The following NCKAP5L variants were observed in gnomAD, a reference collection of about 807,000 sequenced individuals.
NCKAP5L encodes nck-associated protein 5-like.
NCKAP5L carries 54 observed loss-of-function variants against 103.2 expected under a neutral mutation model. That is an observed-to-expected ratio of 0.52 (90% confidence interval 0.42 to 0.66). NCKAP5L has a LOEUF of 0.66. Ranked by LOEUF, NCKAP5L falls within the 30% of genes least tolerant of loss-of-function variation. NCKAP5L has a pLI of 0.00. For missense variants in NCKAP5L, 1,733 were observed against 1,750.6 expected, an observed-to-expected ratio of 0.99 and a Z score of 0.18; for synonymous variants, 762 against 748.6, an observed-to-expected ratio of 1.02 and a Z score of -0.29.
intron 1 of NCKAP5L, among the ~76,000 whole-genome samples, chr12:49,821,255 C>T (rs1291126258): frequency 6.6e-6 from 1 of 152,104 alleles, no homozygotes; most frequent in Admixed American, 6.5e-5. Context: ...AAACCCCCAT[C>T]CCCACCCCCC....
At chr12:49,815,331 GT>G (rs1396279259) in intron 1 of NCKAP5L, among the ~76,000 whole-genome samples, 1 of 152,050 alleles carries the variant, frequency 6.6e-6, no homozygotes, top group African/African-American at 2.4e-5. Flanking sequence ...TTAATTGCAA[GT>G]TTTCTATAAG....
At chr12:49,818,482 T>G (rs1243910923) in intron 1 of NCKAP5L, among the ~76,000 whole-genome samples, 1 of 152,096 alleles carries the variant, frequency 6.6e-6, no homozygotes, top group Admixed American at 6.6e-5. Flanking sequence ...CTCAGCCTCC[T>G]GAGTAGCTGG....
chr12:49,805,155 C>T (rs1565591791), intron 2 of NCKAP5L: 2 of 152,408 alleles, frequency 1.3e-5, no homozygotes, highest in African/African-American at 4.8e-5. Context: ...TCAGGGCTCC[C>T]AGGCGATGCT....
At position 49,827,928 on chromosome 12, in the gene NCKAP5L, G is replaced by A. The variant is rs181016201; in HGVS notation, c.-99+394C>T. Among the ~76,000 whole-genome samples the A allele has an allele frequency of 1.0e-3, 158 of 152,328 alleles. 4 individuals carry two copies. The East Asian group carries it at 0.025, about 24-fold the overall frequency. On this transcript the variant is annotated intron_variant, in intron 1 of 12. Transcript: ENST00000335999. ...CCGCAATAACCCGGCACCGCTAAGC[G>A]GCACCCGGACGGTGGGATGCGGGTT...
Position 49,795,480 on chromosome 12 carries a change from G to C in NCKAP5L, c.2380C>G (p.Pro794Ala), listed in dbSNP as rs751265996. 5 of 1,539,266 alleles carry C rather than the reference G, an allele frequency of 3.2e-6. No homozygotes were observed. In the Admixed American group the frequency reaches 1.1e-4, roughly 33 times the overall value. ...GALCPQVPRT[P>A]AKVPTSAPSL... ...GGGGCTGAGGTTGGCACTTTGGCAGGGGTACGGGGTACCTGGGGGCACAGG... is the reference window on the plus strand; with the variant it reads ...GGGGCTGAGGTTGGCACTTTGGCAGCGGTACGGGGTACCTGGGGGCACAGG... Residue 794 changes from proline to alanine, a missense_variant, in exon 8 of 13, where the codon CCT (proline) becomes GCT (alanine). By Grantham distance (27) the Pro-to-Ala change is conservative (BLOSUM62 -1). Coordinates refer to ENST00000335999, the MANE Select transcript of NCKAP5L (RefSeq NM_001037806.4).
At chr12:49,802,906 G>T in intron 5 of NCKAP5L, 52 bp downstream of exon 5, 1 of 1,568,574 alleles carries the variant, frequency 6.4e-7, no homozygotes. Flanking sequence ...CTCCAGGAAG[G>T]GTCTCATCTG....
intron 1 of NCKAP5L, among the ~76,000 whole-genome samples, chr12:49,822,307 A>G (rs140997398): frequency 8.5e-5 from 13 of 152,286 alleles, no homozygotes; most frequent in African/African-American, 3.1e-4. Context: ...AGCAGTTCAA[A>G]CAGACTAAGA....
intron 1 of NCKAP5L, among the ~76,000 whole-genome samples, chr12:49,823,357 C>T (rs1243506025): frequency 1.3e-5 from 2 of 152,040 alleles, no homozygotes; most frequent in East Asian, 3.8e-4. Context: ...TTACAGCTCC[C>T]CCATCAAGCC....
At chr12:49,794,685 G>A in intron 8 of NCKAP5L, 80 bp downstream of exon 8, 2 of 1,151,946 alleles carry the variant, frequency 1.7e-6, no homozygotes, top group Non-Finnish European at 2.3e-6. Context: ...AGCAGGCCTA[G>A]CTCCAGACGC....
chr12:49,803,170 A>G lies in NCKAP5L; in HGVS notation c.124-5T>C. The G allele has an allele frequency of 6.2e-7, 1 of 1,613,652 alleles. No individual in the cohort carries two copies. The highest frequency in any genetic ancestry group is 1.1e-5 in the South Asian group (1 of 91,080). ...GGCAAGTGCCGAGTTCTCTGCCTGC[A>G]GGAGTGAGGGAGGAAGAGGGCAAAA... On this transcript the variant is annotated splice_region_variant and splice_polypyrimidine_tract_variant and intron_variant, in intron 3 of 12. Transcript: ENST00000335999.
chr12:49,796,961 G>C lies in NCKAP5L; in HGVS notation c.899C>G (p.Ser300Cys). 1 of 1,603,550 alleles carries C rather than the reference G, an allele frequency of 6.2e-7. No homozygotes were observed. The highest frequency in any genetic ancestry group is 8.5e-7 in the Non-Finnish European group (1 of 1,175,726). ...PNCAPGSSSS[S>C]SSDEAGDPNE... ...GGGGTCACCTGCCTCATCAGAAGAG[G>C]AGGAGGAGCTGCTGCCTGGGGCACA... Residue 300 changes from serine to cysteine, a missense_variant, in exon 8 of 13, where the codon TCC becomes TGC. Coordinates refer to ENST00000335999, the MANE Select transcript of NCKAP5L (RefSeq NM_001037806.4).
intron 6 of NCKAP5L, among the ~76,000 whole-genome samples, chr12:49,801,447 G>A (rs575924273): frequency 3.4e-4 from 52 of 152,240 alleles, no homozygotes; most frequent in African/African-American, 9.6e-4. Flanking sequence ...TATCAGAACC[G>A]AAATGTCTTT....
In NCKAP5L at chr12:49,795,178, G is replaced by A. The variant is rs749914594; in HGVS notation, c.2682C>T (p.Asn894=). The A allele has an allele frequency of 1.9e-5, 30 of 1,603,020 alleles. No individual in the cohort carries two copies. Among genetic ancestry groups the A allele is most frequent in the African/African-American group, 2.7e-5 (2 of 74,250 alleles). ...GCTCCTGGCCCTGGAGCCGCAGCACGTTCTCCTCAATGCCCTTCATCACCT... is the reference window on the plus strand; with the variant it reads ...GCTCCTGGCCCTGGAGCCGCAGCACATTCTCCTCAATGCCCTTCATCACCT... ...EEKVMKGIEE[N]VLRLQGQERA... The change falls in exon 8 of 13, where the codon AAC becomes AAT. Residue 894 remains asparagine, a synonymous_variant. Coordinates refer to ENST00000335999, the MANE Select transcript of NCKAP5L (RefSeq NM_001037806.4).
chr12:49,817,804 C>A (rs1946315089), intron 1 of NCKAP5L, among the ~76,000 whole-genome samples: 1 of 152,154 alleles, frequency 6.6e-6, no homozygotes, highest in African/African-American at 2.4e-5. Flanking sequence ...TCATCTCACA[C>A]CATATATAAA....
chr12:49,807,145 C>G (rs1044995324), intron 1 of NCKAP5L, among the ~76,000 whole-genome samples: 1 of 152,218 alleles, frequency 6.6e-6, no homozygotes, highest in Admixed American at 6.5e-5. Context: ...CCTCCAGCCC[C>G]AGGGCCAGCC....
Position 49,792,575 on chromosome 12 carries a change from G to A in NCKAP5L, c.3663C>T (p.Asp1221=), listed in dbSNP as rs898628014. The A allele has an allele frequency of 2.5e-6, 4 of 1,613,732 alleles. No homozygotes were observed. Among genetic ancestry groups the A allele is most frequent in the Non-Finnish European group, 3.4e-6 (4 of 1,179,852 alleles). The change falls in exon 12 of 13, where the codon GAC becomes GAT. Residue 1221 remains aspartate (D), a synonymous_variant. Transcript: ENST00000335999. The surrounding 1 kb of genome is among the most constrained non-coding windows in gnomAD (Gnocchi z 4.5). ...HETCPDDPCE[D]PGPTPPVQLA... is the part of the protein sequence containing the mutation. Reference sequence around the variant, plus strand: ...GCTGGACAGGAGGGGTGGGGCCTGGGTCTTCACAGGGATCTGTCCAGGAAC... The same window carrying A: ...GCTGGACAGGAGGGGTGGGGCCTGGATCTTCACAGGGATCTGTCCAGGAAC...
Position 49,804,035 on chromosome 12 carries a change from C to T in NCKAP5L, c.10G>A (p.Ala4Thr). 6.2e-7 allele frequency: 1 copy of T among 1,610,636 alleles called. No homozygotes were observed. ...GGACCCCCAGCTGGCTGGTCCATGG[C>T]CTCTGACATCTGGCCCTGGGAACAA... is the stretch of plus-strand genomic sequence containing the variant. MSE[A>T]MDQPAGGPGN... Residue 4 changes from alanine (A) to threonine (T), a missense_variant, in exon 3 of 13, where the codon GCC becomes ACC. By Grantham distance (58) the Ala-to-Thr change is moderately conservative. Coordinates refer to ENST00000335999, the MANE Select transcript of NCKAP5L (RefSeq NM_001037806.4).
intron 3 of NCKAP5L, among the ~76,000 whole-genome samples, chr12:49,803,613 C>A (rs1156484515): frequency 6.6e-6 from 1 of 152,058 alleles, no homozygotes; most frequent in Non-Finnish European, 1.5e-5. Flanking sequence ...TGGCCTCTGA[C>A]CACCCCCTTT....
intron 2 of NCKAP5L, chr12:49,804,675 C>A (rs140693219): frequency 6.6e-6 from 1 of 152,170 alleles, no homozygotes; most frequent in Non-Finnish European, 1.5e-5. Flanking sequence ...ACTGGGTGAA[C>A]ATATGAAAAC....
Sources: allele counts gnomAD v4.1 joint callset (sites outside exome capture counted in the v4.1 genomes callset), GRCh38; gene constraint gnomAD v4.1.1; non-coding constraint Gnocchi (gnomAD v3.1); transcripts MANE v1.5; gene names NCBI Gene and HGNC (gene_info 2026-07-23, HGNC 2026-07-21).